The following DOP1B variants were observed in gnomAD, a reference collection of about 807,000 sequenced individuals.
DOP1B encodes protein DOP1B.
A neutral mutation model predicts 233.5 loss-of-function variants in DOP1B; 174 were observed. The observed-to-expected ratio is 0.75, with a 90% CI of 0.66 to 0.85. The LOEUF (loss-of-function observed/expected upper bound fraction) is 0.85. Among genes scored for constraint, DOP1B ranks in the 40% least tolerant of loss-of-function variants. DOP1B has a pLI of 0.00. For missense variants in DOP1B, 2,652 were observed against 2,846.6 expected, an observed-to-expected ratio of 0.93 and a Z score of 1.56; for synonymous variants, 1,190 against 1,185.6, an observed-to-expected ratio of 1.00 and a Z score of -0.08.
At chr21:36,164,593 A>G (rs554934667) in intron 1 of DOP1B, 115 bp from the exon 2 acceptor site, 1 of 724,102 alleles carries the variant, frequency 1.4e-6, no homozygotes. Flanking sequence ...AGGATTGCCC[A>G]GTGAGTTTGT....
intron 18 of DOP1B, among the ~76,000 whole-genome samples, chr21:36,241,584 C>T (rs547478438): frequency 5.6e-5 from 8 of 141,642 alleles, no homozygotes; most frequent in African/African-American, 2.1e-4. Flanking sequence ...TCTCGGCTCA[C>T]TGCAACCTCC....
chr21:36,266,052 G>C (rs1030181331), intron 26 of DOP1B, among the ~76,000 whole-genome samples: 21 of 152,140 alleles, frequency 1.4e-4, no homozygotes, highest in African/African-American at 5.1e-4. Context: ...GCCCCAAGTG[G>C]TTTCATCTGT....
intron 12 of DOP1B, among the ~76,000 whole-genome samples, chr21:36,227,361 C>T (rs7279315): frequency 0.2 from 30,993 of 151,568 alleles, 3,414 homozygotes; most frequent in African/African-American, 0.29. Context: ...TCCTGGCTAA[C>T]ACGGTGAAAC....
chr21:36,251,105 T>G, intron 21 of DOP1B, 57 bp from the exon 22 acceptor site: 2 of 1,575,662 alleles, frequency 1.3e-6, no homozygotes, highest in Non-Finnish European at 1.7e-6. Context: ...GTTCAATGTA[T>G]ATGATGCCAT....
chr21:36,174,810 T>TG (rs2066006128), intron 2 of DOP1B, among the ~76,000 whole-genome samples: 2 of 151,980 alleles, frequency 1.3e-5, no homozygotes, highest in South Asian at 4.1e-4. Flanking sequence ...GGGATCCTGA[T>TG]TTTTTACCCC....
chr21:36,283,023 GTTTTT>G (rs760141990), intron 32 of DOP1B, among the ~76,000 whole-genome samples: 3 of 138,288 alleles, frequency 2.2e-5, no homozygotes, highest in Admixed American at 1.5e-4. Context: ...GATTGTCAGG[GTTTTT>G]TTTTTTTTTT....
intron 2 of DOP1B, among the ~76,000 whole-genome samples, chr21:36,190,422 G>T (rs978592106): frequency 1.3e-5 from 2 of 151,358 alleles, no homozygotes; most frequent in Non-Finnish European, 2.9e-5. Context: ...TTTCGAGATG[G>T]AGTCTCGCTC....
intron 4 of DOP1B, among the ~76,000 whole-genome samples, chr21:36,207,499 GT>G (rs1164791099): frequency 0.064 from 5,718 of 89,522 alleles, 68 homozygotes; most frequent in Middle Eastern, 0.11. Context: ...AGTTTTTTTT[GT>G]TTTTTTTTTT....
intron 3 of DOP1B, among the ~76,000 whole-genome samples, chr21:36,199,841 G>T (rs1297694438): frequency 6.6e-6 from 1 of 152,194 alleles, no homozygotes; most frequent in African/African-American, 2.4e-5. Context: ...TATCATCGAT[G>T]GACATTTGGG....
chr21:36,187,794 A>G (rs539353145), intron 2 of DOP1B, among the ~76,000 whole-genome samples: 1 of 150,696 alleles, frequency 6.6e-6, no homozygotes, highest in Non-Finnish European at 1.5e-5. Flanking sequence ...TTTTATAGAG[A>G]CAGGGTTTTG....
At chr21:36,168,913 A>G in intron 2 of DOP1B, 1 of 497,116 alleles carries the variant, frequency 2.0e-6, no homozygotes, top group Non-Finnish European at 3.6e-6. Context: ...TTTAATTAAT[A>G]ATTTTAAAAA....
chr21:36,285,035 G>A (rs2067466713), intron 32 of DOP1B, among the ~76,000 whole-genome samples: 1 of 151,944 alleles, frequency 6.6e-6, no homozygotes, highest in Non-Finnish European at 1.5e-5. Flanking sequence ...GGTAGGTTTT[G>A]GGCTCTTGGG....
chr21:36,207,507 T>G (rs372768721), intron 4 of DOP1B, among the ~76,000 whole-genome samples: 5,537 of 145,204 alleles, frequency 0.038, 148 homozygotes, highest in Non-Finnish European at 0.054. Flanking sequence ...TTGTTTTTTT[T>G]TTTTTTTTTT....
At chr21:36,198,146 C>G (rs2123466821) in intron 2 of DOP1B, among the ~76,000 whole-genome samples, 1 of 151,878 alleles carries the variant, frequency 6.6e-6, no homozygotes, top group South Asian at 2.1e-4. Flanking sequence ...TAAGATTAAG[C>G]CGGCCAGGCG....
Position 36,219,488 on chromosome 21 carries a change from A to T in DOP1B, c.1246A>T (p.Ile416Leu), listed in dbSNP as rs1569028938. 1.2e-6 allele frequency: 2 copies of T among 1,614,078 alleles called. No individual in the cohort carries two copies. Among genetic ancestry groups the T allele is most frequent in the Non-Finnish European group, 1.7e-6 (2 of 1,180,022 alleles). ...CTACACCCAGAGTGGAAATTCGCTG[A>T]TAAGGTATGGGTTTGGCCTTGAACC... ...LSYTQSGNSL[I>L]SAIKENRNAS... The change falls in exon 10 of 37, where the codon ATA (isoleucine) becomes TTA (leucine). Residue 416 changes from isoleucine (I) to leucine (L), a missense_variant. Ile to Leu is a conservative substitution (Grantham distance 5). Coordinates refer to ENST00000691173, the MANE Select transcript of DOP1B (RefSeq NM_001320714.2).
chr21:36,222,583 CA>C (rs932664622), intron 10 of DOP1B, among the ~76,000 whole-genome samples: 152 of 130,526 alleles, frequency 1.2e-3, no homozygotes, highest in East Asian at 1.8e-3. Flanking sequence ...GACTGTGTCT[CA>C]AAAAAAAAAA....
At chr21:36,167,255 C>G (rs955278612) in intron 2 of DOP1B, among the ~76,000 whole-genome samples, 1 of 152,172 alleles carries the variant, frequency 6.6e-6, no homozygotes, top group Admixed American at 6.5e-5. Context: ...TCATGACAAC[C>G]TGAGCCTCCC....
rs966815991 is a variant in DOP1B at position 36,231,016 on chromosome 21, G to A, written c.2232G>A (p.Glu744=). The A allele has an allele frequency of 3.1e-6, 5 of 1,614,066 alleles. No homozygotes were observed. Among genetic ancestry groups the A allele is most frequent in the Non-Finnish European group, 3.4e-6 (4 of 1,180,040 alleles). The change falls in exon 14 of 37, where the codon GAG becomes GAA. Residue 744 remains glutamate (E), a synonymous_variant. Transcript: ENST00000691173. ...TCATTGACCTGGGGGGTTCCAGGGA[G>A]GAACGCAGGGAGGCCTTTGCCGCCG... ...KVVIDLGGSR[E]ERREAFAAAC...
chr21:36,242,863 T>G (rs1173638319), intron 18 of DOP1B, among the ~76,000 whole-genome samples: 1 of 152,236 alleles, frequency 6.6e-6, no homozygotes, highest in Admixed American at 6.6e-5. Context: ...CTGATTCTTC[T>G]TCATTTCTTG....
Sources: allele counts gnomAD v4.1 joint callset (sites outside exome capture counted in the v4.1 genomes callset), GRCh38; gene constraint gnomAD v4.1.1; transcripts MANE v1.5; gene names NCBI Gene and HGNC (gene_info 2026-07-23, HGNC 2026-07-21).